Variants in ZEB2 observed in about 807,000 individuals in gnomAD.
ZEB2 encodes zinc finger E-box binding homeobox 2.
ZEB2 carries 6 observed loss-of-function variants against 99.9 expected under a neutral mutation model. That is an observed-to-expected ratio of 0.06 (90% CI 0.03 to 0.12). The LOEUF (loss-of-function observed/expected upper bound fraction) is 0.12, where lower values mean the gene tolerates loss of function less well. ZEB2 is among the 10% of genes least tolerant of loss of function. The pLI is 1.00. For missense variants in ZEB2, 969 were observed against 1,502.8 expected (o/e 0.64, Z 5.87); for synonymous variants, 517 against 542.5 (o/e 0.95, Z 0.65).
At chr2:144,513,856 C>A in intron 2 of ZEB2, 1 of 1,532,770 alleles carries the variant, frequency 6.5e-7, no homozygotes, top group Non-Finnish European at 8.7e-7. Context: ...GGGTTTTCCC[C>A]CTCCTCTCCA....
chr2:144,508,752 T>C (rs1408524586), intron 2 of ZEB2, among the ~76,000 whole-genome samples: 1 of 152,024 alleles, frequency 6.6e-6, no homozygotes, highest in Non-Finnish European at 1.5e-5. Context: ...GCTGAGATCA[T>C]ATCACTGTCC....
At chr2:144,416,471 G>T (rs1219530717) in intron 4 of ZEB2, among the ~76,000 whole-genome samples, 1 of 152,158 alleles carries the variant, frequency 6.6e-6, no homozygotes, top group African/African-American at 2.4e-5. Context: ...CATGTCTCAA[G>T]ATTCCAACTG....
intron 3 of ZEB2, chr2:144,428,779 C>G (rs973250113): frequency 6.6e-6 from 1 of 152,134 alleles, no homozygotes; most frequent in Non-Finnish European, 1.5e-5. Context: ...GACATCACAA[C>G]AGCATATAGG....
At chr2:144,396,691 G>A (rs561718903) in intron 8 of ZEB2, 99 bp from the exon 9 acceptor site, 2 of 1,319,874 alleles carry the variant, frequency 1.5e-6, no homozygotes, top group East Asian at 5.0e-5. Flanking sequence ...AAAATTGCTT[G>A]CTACTAATTG....
chr2:144,429,465 A>G (rs141381228), intron 3 of ZEB2: 2 of 395,912 alleles, frequency 5.1e-6, no homozygotes, highest in Non-Finnish European at 9.5e-6. Flanking sequence ...GATCTTGATC[A>G]TGTTACATAA....
In ZEB2 at chr2:144,389,519, T is replaced by C. The variant is rs1703125816; in HGVS notation, c.3577A>G (p.Ser1193Gly). Reference protein sequence around the residue: ...EETGDHSMDDSSEDGKMETKS... With the variant: ...EETGDHSMDDGSEDGKMETKS... Reference sequence around the variant, plus strand: ...GTTTCCATTTTCCCATCCTCCGAACTATCGTCCATGGAGTGATCTCCAGTC... The same window carrying C: ...GTTTCCATTTTCCCATCCTCCGAACCATCGTCCATGGAGTGATCTCCAGTC... Residue 1193 changes from serine to glycine, a missense_variant, in exon 10 of 10, where the codon AGT (serine) becomes GGT (glycine). Physicochemically the swap from Ser to Gly is moderately conservative, Grantham distance 56 (BLOSUM62 0). Transcript: ENST00000627532. The surrounding 1 kb of genome is among the most constrained non-coding windows in gnomAD (Gnocchi z 6.8). 1 of 1,614,084 alleles carries C rather than the reference T, an allele frequency of 6.2e-7. No individual in the cohort carries two copies. Among genetic ancestry groups the C allele is most frequent in the Non-Finnish European group, 8.5e-7 (1 of 1,180,056 alleles).
chr2:144,449,577 C>T (rs906619906), intron 2 of ZEB2: 1 of 152,168 alleles, frequency 6.6e-6, no homozygotes, highest in Non-Finnish European at 1.5e-5. Context: ...AAGACCCCGT[C>T]AGATTCAGTG....
chr2:144,398,960 A>G lies in ZEB2; in HGVS notation c.2227T>C (p.Ser743Pro). The G allele has an allele frequency of 6.2e-7, 1 of 1,614,154 alleles. No individual in the cohort carries two copies. The highest frequency in any genetic ancestry group is 8.5e-7 in the Non-Finnish European group (1 of 1,180,044). ...ACACTGTTGTGGAGTTCTGCTATAGATGGTGATGTTATGGAGTCCATAGGT... is the reference window on the plus strand; with the variant it reads ...ACACTGTTGTGGAGTTCTGCTATAGGTGGTGATGTTATGGAGTCCATAGGT... ...VKPMDSITSP[S>P]IAELHNSVTN... Residue 743 changes from serine to proline, a missense_variant, in exon 8 of 10, where the codon TCT (serine) becomes CCT (proline). This residue lies in a region of ZEB2 where 346 missense variants were observed against 460.0 expected (regional missense o/e 0.75). Transcript: ENST00000627532.
chr2:144,483,150 A>ACACACACACACACACGCG lies in ZEB2; in HGVS notation c.73+34127_73+34128insCGCGTGTGTGTGTGTGTG, dbSNP rs1553968387. Among the ~76,000 whole-genome samples, 249 of 149,656 alleles carry ACACACACACACACACGCG rather than the reference A, an allele frequency of 1.7e-3. 1 individual carries two copies. Among genetic ancestry groups the ACACACACACACACACGCG allele is most frequent in the Non-Finnish European group, 3.1e-3 (209 of 67,216 alleles). On this transcript the variant is annotated intron_variant, in intron 2 of 9. Transcript: ENST00000627532. ...CACACACACACACACACACACACACACACACACACACACATACCCTAAGAC... is the reference window on the plus strand; with the variant it reads ...CACACACACACACACACACACACACACACACACACACACACGCGCACACACACACACATACCCTAAGAC...
intron 4 of ZEB2, among the ~76,000 whole-genome samples, chr2:144,411,422 A>G (rs2149882797): frequency 1.3e-5 from 2 of 152,296 alleles, no homozygotes; most frequent in Admixed American, 1.3e-4. Context: ...ATAGATTCTC[A>G]TGGCTACTTT....
intron 2 of ZEB2, among the ~76,000 whole-genome samples, chr2:144,469,556 C>G (rs988935572): frequency 1.3e-5 from 2 of 152,102 alleles, no homozygotes; most frequent in Non-Finnish European, 2.9e-5. Context: ...TTCCTTCTAA[C>G]CAGAGTTCAG....
At chr2:144,458,082 T>A (rs559552908) in intron 2 of ZEB2, among the ~76,000 whole-genome samples, 1 of 152,100 alleles carries the variant, frequency 6.6e-6, no homozygotes, top group African/African-American at 2.4e-5. Flanking sequence ...CTCAATTGCC[T>A]ATATTTCTGG....
chr2:144,503,048 A>G (rs984811131), intron 2 of ZEB2, among the ~76,000 whole-genome samples: 9 of 152,218 alleles, frequency 5.9e-5, no homozygotes, highest in African/African-American at 1.9e-4. Context: ...ATGACTTTCA[A>G]CCAATGATCA....
At position 144,504,095 on chromosome 2, in the gene ZEB2, C is replaced by CA. The variant is rs1288081457; in HGVS notation, c.73+13182dup. 2.4e-3 allele frequency: 113 copies of CA among 47,592 alleles called. 5 individuals carry two copies. Among genetic ancestry groups the CA allele is most frequent in the African/African-American group, 6.9e-3 (105 of 15,152 alleles). The allele number at this position is 47,592 out of a possible 1,614,324, so 2.9% of individuals were successfully genotyped here. ...TAACAATTAGAAAAAAAAAAAAAAA[C>CA]AACAAAAAAAACAAACCACCTTAAT... On this transcript the variant is annotated intron_variant, in intron 2 of 9. Transcript: ENST00000627532.
chr2:144,502,046 C>G (rs1704877651), intron 2 of ZEB2, among the ~76,000 whole-genome samples: 1 of 152,160 alleles, frequency 6.6e-6, no homozygotes, highest in Non-Finnish European at 1.5e-5. Flanking sequence ...AAGAAATGGA[C>G]AATTCATCTC....
chr2:144,519,658 G>A (rs895916908), intron 1 of ZEB2: 5 of 250,634 alleles, frequency 2.0e-5, no homozygotes, highest in South Asian at 1.7e-4. Context: ...GACACCTTTG[G>A]TTACCTGAAT....
intron 2 of ZEB2, among the ~76,000 whole-genome samples, chr2:144,434,333 T>TGCCATTCTCACCTCAGGAAGC (rs1703810439): frequency 6.6e-6 from 1 of 152,158 alleles, no homozygotes; most frequent in Non-Finnish European, 1.5e-5. Context: ...TAGAAGGAAG[T>TGCCATTCTCACCTCAGGAAGC]GCCATTCTCA....
intron 2 of ZEB2, among the ~76,000 whole-genome samples, chr2:144,434,108 A>G (rs567413240): frequency 5.1e-4 from 78 of 152,342 alleles, no homozygotes; most frequent in Admixed American, 1.8e-3. Flanking sequence ...ATTAACATAC[A>G]GAAGAACTGA....
In ZEB2 at chr2:144,399,278, A is replaced by G. The variant is rs1248303369; in HGVS notation, c.1909T>C (p.Ser637Pro). The G allele has an allele frequency of 6.2e-7, 1 of 1,614,130 alleles. No homozygotes were observed. The highest frequency in any genetic ancestry group is 1.7e-5 in the Admixed American group (1 of 60,012). ...ATTCCTTTCTCAGAAAGTACAGATG[A>G]CAAGAGGAGGGCTTTATTATCAACA... ...VFVDNKALLLSSVLSEKGMTS... is the reference protein window; with the variant it reads ...VFVDNKALLLPSVLSEKGMTS... Residue 637 changes from serine to proline, a missense_variant, in exon 8 of 10, where the codon TCA (serine) becomes CCA (proline). Physicochemically the swap from Ser to Pro is moderately conservative, Grantham distance 74. This residue lies in a region of ZEB2 where 346 missense variants were observed against 460.0 expected (regional missense o/e 0.75). Transcript: ENST00000627532. The surrounding 1 kb of genome is among the most constrained non-coding windows in gnomAD (Gnocchi z 5.6).
Sources: gnomAD v4.1 joint callset for allele counts (sites outside exome capture counted in the v4.1 genomes callset) on GRCh38, gnomAD v4.1.1 for gene constraint, gnomAD v4.1.1 regional missense constraint, Gnocchi (gnomAD v3.1) non-coding constraint, MANE v1.5 for transcripts, NCBI Gene and HGNC (gene_info 2026-07-23, HGNC 2026-07-21) for gene names.